SEC24D: variants seen among roughly 807,000 people sequenced by gnomAD.
SEC24D encodes the protein SEC24 homolog D, COPII component.
A neutral mutation model predicts 116.9 loss-of-function variants in SEC24D; 69 were observed. The ratio of observed to expected loss-of-function variants is 0.59; its 90% CI spans 0.49 to 0.72. SEC24D has a LOEUF of 0.72. SEC24D is among the 30% of genes least tolerant of loss of function. SEC24D has a pLI of 0.00. For synonymous variants in SEC24D, 405 were observed against 442.8 expected, an observed-to-expected ratio of 0.91 and a Z score of 1.07; for missense variants, 1,131 against 1,264.1, an observed-to-expected ratio of 0.89 and a Z score of 1.60.
At position 118,737,391 on chromosome 4, in the gene SEC24D, C is replaced by T. The variant is rs73842215; in HGVS notation, c.2496+870G>A. On this transcript the variant is annotated intron_variant, in intron 19 of 22. Coordinates refer to ENST00000280551, the MANE Select transcript of SEC24D (RefSeq NM_014822.4). The stretch of plus-strand genomic sequence containing the variant: ...TGGAAAGGAACTTTTATGAAAAATC[C>T]ATCTAGTAAGTGTGTTTGTTTTCTT... Among the ~76,000 whole-genome samples the T allele has an allele frequency of 9.2e-3, 1,402 of 152,166 alleles. 19 individuals carry two copies. Among genetic ancestry groups the T allele is most frequent in the African/African-American group, 0.032 (1,324 of 41,514 alleles).
intron 10 of SEC24D, among the ~76,000 whole-genome samples, chr4:118,761,013 G>A (rs554336130): frequency 6.6e-6 from 1 of 152,106 alleles, no homozygotes; most frequent in Admixed American, 6.5e-5. Context: ...CACCGCACCT[G>A]GCCGGTAATT....
At chr4:118,814,933 T>C in intron 6 of SEC24D, 95 bp downstream of exon 6, 1 of 1,361,468 alleles carries the variant, frequency 7.3e-7, no homozygotes, top group Non-Finnish European at 1.0e-6. Context: ...ACTTCTATGC[T>C]AATGAACAGG....
intron 4 of SEC24D, chr4:118,816,972 T>C: frequency 2.9e-6 from 1 of 348,538 alleles, no homozygotes; most frequent in Non-Finnish European, 5.3e-6. Context: ...AATTTCACTA[T>C]TCTAATGTTT....
chr4:118,797,817 C>T lies in SEC24D; in HGVS notation c.914-7G>A, dbSNP rs1046215028. ...AATCGAGGACTGGCATTTCCTGAAACATTCAAAAGGATACACTTAAAACTT... is the reference window on the plus strand; with the variant it reads ...AATCGAGGACTGGCATTTCCTGAAATATTCAAAAGGATACACTTAAAACTT... On this transcript the variant is annotated splice_region_variant and splice_polypyrimidine_tract_variant and intron_variant, in intron 7 of 22. Coordinates refer to ENST00000280551, the MANE Select transcript of SEC24D (RefSeq NM_014822.4). 3 of 1,582,720 alleles carry T rather than the reference C, an allele frequency of 1.9e-6. No individual in the cohort carries two copies. Among genetic ancestry groups the T allele is most frequent in the Non-Finnish European group, 1.7e-6 (2 of 1,160,366 alleles).
At chr4:118,834,864 T>A (rs1731023777) in intron 1 of SEC24D, among the ~76,000 whole-genome samples, 2 of 152,230 alleles carry the variant, frequency 1.3e-5, no homozygotes, top group African/African-American at 4.8e-5. Context: ...AGACTTAGAA[T>A]CTGTCTATAT....
chr4:118,792,864 G>C (rs916809834), intron 8 of SEC24D, among the ~76,000 whole-genome samples: 6 of 151,926 alleles, frequency 3.9e-5, no homozygotes, highest in African/African-American at 1.5e-4. Context: ...CCCCCTCTCC[G>C]AGAAACACCC....
Position 118,833,586 on chromosome 4 carries a change from A to G in SEC24D, c.111T>C (p.Ser37=). Residue 37 remains serine (S), a synonymous_variant, in exon 2 of 23, where the codon TCT becomes TCC. Transcript: ENST00000280551. Reference sequence around the variant, plus strand: ...CAAAATAACACACTGTACCTGTTGGAGATGCTGTGTGCGACGGATCCCCAT... The same window carrying G: ...CAAAATAACACACTGTACCTGTTGGGGATGCTGTGTGCGACGGATCCCCAT... ...GHYGDPSHTA[S]PTGMMKPAGP... 1 of 1,605,344 alleles carries G rather than the reference A, an allele frequency of 6.2e-7. No homozygotes were observed.
chr4:118,831,396 G>A (rs115500312), intron 2 of SEC24D, among the ~76,000 whole-genome samples: 6,639 of 152,064 alleles, frequency 0.044, 197 homozygotes, highest in Non-Finnish European at 0.063. Context: ...ATGCTAATGA[G>A]TGAGATTTGA....
chr4:118,835,045 A>G (rs1731032312), intron 1 of SEC24D, among the ~76,000 whole-genome samples: 1 of 152,206 alleles, frequency 6.6e-6, no homozygotes, highest in East Asian at 1.9e-4. Flanking sequence ...GAGGCAGGCA[A>G]AGGCCTTCTG....
At chr4:118,777,319 A>G (rs979055599) in intron 8 of SEC24D, among the ~76,000 whole-genome samples, 5 of 152,086 alleles carry the variant, frequency 3.3e-5, no homozygotes, top group Non-Finnish European at 5.9e-5. Context: ...CCTGTGTCCA[A>G]GTGTTCTCAT....
chr4:118,790,808 G>A (rs1252567904), intron 8 of SEC24D, among the ~76,000 whole-genome samples: 3 of 150,492 alleles, frequency 2.0e-5, no homozygotes, highest in Non-Finnish European at 4.4e-5. Flanking sequence ...AAAAAACACT[G>A]TACTAAATAA....
intron 15 of SEC24D, among the ~76,000 whole-genome samples, chr4:118,742,294 T>C (rs115575345): frequency 0.013 from 1,949 of 150,708 alleles, 46 homozygotes; most frequent in African/African-American, 0.045. Context: ...CACCAGTACA[T>C]AGCAAAGGAC....
chr4:118,823,413 G>C (rs1411290385), intron 3 of SEC24D, among the ~76,000 whole-genome samples: 1 of 152,162 alleles, frequency 6.6e-6, no homozygotes, highest in African/African-American at 2.4e-5. Context: ...AGGACTATAG[G>C]CTTCATGAAA....
At chr4:118,818,873 C>T (rs114659035) in intron 3 of SEC24D, among the ~76,000 whole-genome samples, 6,187 of 152,142 alleles carry the variant, frequency 0.041, 195 homozygotes, top group Non-Finnish European at 0.064. Flanking sequence ...CATTGTAACC[C>T]AAAAATACTG....
intron 2 of SEC24D, chr4:118,825,463 C>A (rs1730558143): frequency 2.3e-6 from 1 of 429,938 alleles, no homozygotes; most frequent in African/African-American, 2.1e-5. Flanking sequence ...CTCTTTGGAA[C>A]TGTCTTCAGA....
In SEC24D at chr4:118,815,057, T is replaced by C. The variant is rs1730080519; in HGVS notation, c.772A>G (p.Lys258Glu). 5.0e-6 allele frequency: 8 copies of C among 1,614,176 alleles called. No homozygotes were observed. The highest frequency in any genetic ancestry group is 5.9e-6 in the Non-Finnish European group (7 of 1,180,024). The change falls in exon 6 of 23, where the codon AAG becomes GAG. Residue 258 changes from lysine to glutamate, a missense_variant. Transcript: ENST00000280551. ...CTAGGGATAGAGTCAGGATCCAGCT[T>C]CTTCTGGGGCTGTGGCGGACCAGCC... ...QMAGPPQPQK[K>E]LDPDSIPSPI...
chr4:118,810,137 T>TGTGTGTGTAG (rs56961502), intron 6 of SEC24D, among the ~76,000 whole-genome samples: 1 of 104,280 alleles, frequency 9.6e-6, no homozygotes, highest in African/African-American at 3.2e-5. Flanking sequence ...TGTGTGTGTG[T>TGTGTGTGTAG]CAGAGGGTAT....
chr4:118,804,504 A>G (rs1729583478), intron 7 of SEC24D, among the ~76,000 whole-genome samples: 1 of 151,832 alleles, frequency 6.6e-6, no homozygotes, highest in Admixed American at 6.6e-5. Flanking sequence ...TAAATATTAA[A>G]TAAATAGATA....
At chr4:118,814,778 T>C (rs1381519825) in intron 6 of SEC24D, among the ~76,000 whole-genome samples, 1 of 151,448 alleles carries the variant, frequency 6.6e-6, no homozygotes, top group Non-Finnish European at 1.5e-5. Flanking sequence ...GCCAAGTTTA[T>C]ATGACACCAA....
Sources: allele counts gnomAD v4.1 joint callset (sites outside exome capture counted in the v4.1 genomes callset), GRCh38; gene constraint gnomAD v4.1.1; transcripts MANE v1.5; gene names NCBI Gene and HGNC (gene_info 2026-07-23, HGNC 2026-07-21).